The following DNAJC6 variants were observed in gnomAD, a reference collection of about 807,000 sequenced individuals.
The protein encoded by DNAJC6 is DnaJ heat shock protein family (Hsp40) member C6.
A neutral mutation model predicts 110.0 loss-of-function variants in DNAJC6; 34 were observed. That is an observed-to-expected ratio of 0.31 (90% CI 0.24 to 0.41). DNAJC6 has a LOEUF of 0.41. DNAJC6 is among the 10% of genes least tolerant of loss of function. The pLI is 1.00. For missense variants in DNAJC6, 1,031 were observed against 1,207.8 expected (o/e 0.85, Z 2.17); for synonymous variants, 406 against 437.2 (o/e 0.93, Z 0.89).
chr1:65,376,336 A>C (rs1645766361), intron 4 of DNAJC6, among the ~76,000 whole-genome samples: 1 of 151,650 alleles, frequency 6.6e-6, no homozygotes, highest in South Asian at 2.1e-4. Context: ...TTCAAAAAAA[A>C]CAACCTTTTA....
At chr1:65,341,720 G>A (rs987261569) in intron 1 of DNAJC6, among the ~76,000 whole-genome samples, 1 of 152,070 alleles carries the variant, frequency 6.6e-6, no homozygotes, top group Admixed American at 6.6e-5. Flanking sequence ...CCCCTGGAAT[G>A]CTGGTGCATG....
chr1:65,315,517 G>A (rs999049569), intron 1 of DNAJC6, among the ~76,000 whole-genome samples: 4 of 152,076 alleles, frequency 2.6e-5, no homozygotes, highest in African/African-American at 9.7e-5. Flanking sequence ...ACACATATAT[G>A]TATATGTATG....
chr1:65,377,126 T>C (rs1234190762), intron 4 of DNAJC6, among the ~76,000 whole-genome samples: 2 of 152,308 alleles, frequency 1.3e-5, no homozygotes, highest in African/African-American at 4.8e-5. Context: ...CTAGAAAATG[T>C]TCCATGTGCT....
intron 5 of DNAJC6, among the ~76,000 whole-genome samples, chr1:65,383,041 C>T (rs1645838573): frequency 6.6e-6 from 1 of 152,092 alleles, no homozygotes; most frequent in Non-Finnish European, 1.5e-5. Context: ...GGATGAGGGT[C>T]ATTTAGTGGA....
chr1:65,342,331 G>A (rs920489900), intron 1 of DNAJC6, among the ~76,000 whole-genome samples: 3 of 152,176 alleles, frequency 2.0e-5, no homozygotes, highest in Non-Finnish European at 4.4e-5. Flanking sequence ...GGGCCTTTGG[G>A]AGGTGATTAG....
chr1:65,352,013 G>A (rs1057391847), intron 1 of DNAJC6, among the ~76,000 whole-genome samples: 13 of 152,192 alleles, frequency 8.5e-5, no homozygotes, highest in African/African-American at 2.6e-4. Context: ...TGATCCACCC[G>A]CCTCAGCTTC....
chr1:65,364,310 G>A (rs1645624603), intron 1 of DNAJC6, among the ~76,000 whole-genome samples: 1 of 151,560 alleles, frequency 6.6e-6, no homozygotes, highest in South Asian at 2.1e-4. Context: ...GGAATGTGTT[G>A]TGTGTTTTAT....
chr1:65,266,749 A>G (rs777660996), intron 1 of DNAJC6, among the ~76,000 whole-genome samples: 3 of 152,184 alleles, frequency 2.0e-5, no homozygotes, highest in Non-Finnish European at 2.9e-5. Flanking sequence ...ATGATTTAGA[A>G]AAAAAATTAA....
At chr1:65,376,879 C>T (rs1570347332) in intron 4 of DNAJC6, among the ~76,000 whole-genome samples, 1 of 152,270 alleles carries the variant, frequency 6.6e-6, no homozygotes, top group Non-Finnish European at 1.5e-5. Flanking sequence ...AAGTGATTCT[C>T]CTGCCTCAGC....
chr1:65,375,481 A>T (rs1181041287), intron 4 of DNAJC6, among the ~76,000 whole-genome samples: 1 of 149,184 alleles, frequency 6.7e-6, no homozygotes, highest in South Asian at 2.1e-4. Flanking sequence ...GCTGGAGTGC[A>T]GTTGTGCGAT....
At chr1:65,406,603 C>G (rs1424567916) in intron 16 of DNAJC6, among the ~76,000 whole-genome samples, 1 of 152,074 alleles carries the variant, frequency 6.6e-6, no homozygotes, top group African/African-American at 2.4e-5. Flanking sequence ...CCCTTTGGTC[C>G]CAGTTGGTGG....
chr1:65,331,736 A>C (rs1185443391), intron 1 of DNAJC6, among the ~76,000 whole-genome samples: 1 of 152,214 alleles, frequency 6.6e-6, no homozygotes, highest in African/African-American at 2.4e-5. Context: ...TGGCTTTTAT[A>C]CCATGTTTGC....
chr1:65,310,470 A>G (rs112918167), intron 1 of DNAJC6, among the ~76,000 whole-genome samples: 6 of 152,338 alleles, frequency 3.9e-5, no homozygotes, highest in African/African-American at 1.4e-4. Context: ...GCTAGGGTTA[A>G]TGTTACCTTT....
At chr1:65,286,426 T>C (rs1449206041) in intron 1 of DNAJC6, among the ~76,000 whole-genome samples, 2 of 152,124 alleles carry the variant, frequency 1.3e-5, no homozygotes, top group Non-Finnish European at 2.9e-5. Flanking sequence ...TTTAAATTTT[T>C]TGTGGAGACA....
At chr1:65,375,262 G>C (rs1645750255) in intron 4 of DNAJC6, among the ~76,000 whole-genome samples, 1 of 152,002 alleles carries the variant, frequency 6.6e-6, no homozygotes, top group East Asian at 1.9e-4. Flanking sequence ...GCCGAGCCTG[G>C]CCTCATGAGG....
At chr1:65,264,759 A>T in exon 1 of DNAJC6, 2 of 1,459,846 alleles carry the variant, frequency 1.4e-6, no homozygotes, top group Non-Finnish European at 1.8e-6. Context: ...AACCCCGCAC[A>T]CCGACTTGCA....
intron 1 of DNAJC6, among the ~76,000 whole-genome samples, chr1:65,283,136 C>T (rs1244939772): frequency 6.6e-6 from 1 of 152,158 alleles, no homozygotes; most frequent in Non-Finnish European, 1.5e-5. Context: ...ATCCATAGAA[C>T]TTAAGGTTTC....
At chr1:65,329,579 C>T (rs1645269286) in intron 1 of DNAJC6, among the ~76,000 whole-genome samples, 2 of 151,804 alleles carry the variant, frequency 1.3e-5, no homozygotes, top group African/African-American at 2.4e-5. Flanking sequence ...ACTTATTATT[C>T]CTGAATAAGT....
In DNAJC6 at chr1:65,415,139, T is replaced by C. The variant is rs918425553; in HGVS notation, c.*2114T>C. The C allele has an allele frequency of 1.3e-5, 2 of 152,232 alleles. No individual in the cohort carries two copies. The highest frequency in any genetic ancestry group is 4.8e-5 in the African/African-American group (2 of 41,460). The allele number at this position is 152,232 out of a possible 1,614,324, so 9.4% of individuals were successfully genotyped here. ...CTTTGCATTCCTTTTAAATAACTGG[T>C]TGTGACAAAGCTTGTTGTTGATCAG... On this transcript the variant is annotated 3_prime_UTR_variant, in exon 19 of 19. Coordinates refer to ENST00000371069, the MANE Select transcript of DNAJC6 (RefSeq NM_001256864.2).
Sources: gnomAD v4.1 joint callset for allele counts (sites outside exome capture counted in the v4.1 genomes callset) on GRCh38, gnomAD v4.1.1 for gene constraint, MANE v1.5 for transcripts, NCBI Gene and HGNC (gene_info 2026-07-23, HGNC 2026-07-21) for gene names.